KCNT1: variants seen among roughly 807,000 people sequenced by gnomAD.
KCNT1 encodes potassium channel subfamily T member 1.
A neutral mutation model predicts 147.8 loss-of-function variants in KCNT1; 78 were observed. The ratio of observed to expected loss-of-function variants is 0.53; its 90% confidence interval spans 0.44 to 0.64. The LOEUF (loss-of-function observed/expected upper bound fraction) is 0.64. KCNT1 is among the 30% of genes least tolerant of loss of function. The pLI, the probability that KCNT1 is intolerant of heterozygous loss-of-function variation, is 0.00. For synonymous variants in KCNT1, 867 were observed against 748.8 expected (o/e 1.16, Z -2.58); for missense variants, 1,419 against 1,750.3 (o/e 0.81, Z 3.38).
chr9:135,751,850 G>T (rs1043314046), intron 4 of KCNT1, among the ~76,000 whole-genome samples: 1 of 152,188 alleles, frequency 6.6e-6, no homozygotes, highest in Non-Finnish European at 1.5e-5. Flanking sequence ...TCTGTGTCCT[G>T]TTTCTTCTCT....
intron 28 of KCNT1, 151 bp from the exon 29 acceptor site, chr9:135,786,046 T>TGTC (rs765768686): frequency 1.5e-6 from 1 of 652,526 alleles, no homozygotes; most frequent in East Asian, 2.8e-5. Context: ...CCCTGGGGTC[T>TGTC]GTCGTCGTCC....
At chr9:135,706,779 G>C (rs1398678192) in intron 1 of KCNT1, among the ~76,000 whole-genome samples, 1 of 152,212 alleles carries the variant, frequency 6.6e-6, no homozygotes. Context: ...CTTTCCAGTA[G>C]ATTTTCCTGA....
intron 2 of KCNT1, among the ~76,000 whole-genome samples, chr9:135,727,726 A>G (rs938300976): frequency 1.3e-5 from 2 of 152,130 alleles, no homozygotes; most frequent in Non-Finnish European, 2.9e-5. Flanking sequence ...TCCAGCCCCC[A>G]CTCGCTGGCC....
intron 10 of KCNT1, among the ~76,000 whole-genome samples, chr9:135,759,177 G>T (rs1356495899): frequency 6.6e-6 from 1 of 152,314 alleles, no homozygotes; most frequent in African/African-American, 2.4e-5. Flanking sequence ...CCCCAGCCCT[G>T]CCCATTAGAC....
intron 2 of KCNT1, among the ~76,000 whole-genome samples, chr9:135,748,204 G>T (rs912077602): frequency 2.0e-5 from 3 of 152,128 alleles, no homozygotes; most frequent in African/African-American, 7.2e-5. Flanking sequence ...AAGTTCCTGG[G>T]ATTATGGGCA....
intron 11 of KCNT1, among the ~76,000 whole-genome samples, chr9:135,762,585 C>A (rs1208825536): frequency 6.6e-6 from 1 of 151,904 alleles, no homozygotes; most frequent in Non-Finnish European, 1.5e-5. Context: ...CCGTCTCTAC[C>A]AAAAAATAGG....
In KCNT1 at chr9:135,778,408, A is replaced by C; in HGVS notation, c.2523-16A>C. 6.5e-7 allele frequency: 1 copy of C among 1,550,070 alleles called. No homozygotes were observed. On this transcript the variant is annotated splice_polypyrimidine_tract_variant and intron_variant, in intron 21 of 30. Transcript: ENST00000371757. ...TTGAAGCAGGGTGGGCCCCTCCAGG[A>C]CCGCTGTCCCCACAGGCCCGACCAC...
At chr9:135,754,354 CCACAGCCTCCA>C (rs1831357929) in intron 5 of KCNT1, among the ~76,000 whole-genome samples, 1 of 152,226 alleles carries the variant, frequency 6.6e-6, no homozygotes, top group Admixed American at 6.5e-5. Context: ...CCAGCCAGTT[CCACAGCCTCCA>C]CACGCTCTTC....
intron 29 of KCNT1, chr9:135,791,406 A>T: frequency 3.6e-5 from 8 of 219,592 alleles, no homozygotes; most frequent in South Asian, 7.4e-5. Context: ...GGTGTAGATG[A>T]AGGCATGCAT....
Position 135,759,526 on chromosome 9 carries a change from T to C in KCNT1, c.855-153T>C, listed in dbSNP as rs984789430. 8.4e-6 allele frequency: 6 copies of C among 710,726 alleles called. No individual in the cohort carries two copies. In the Admixed American group the frequency reaches 2.3e-4, roughly 28 times the overall value. 44.0% of individuals were successfully genotyped at this position (710,726 alleles called of 1,614,324 possible). A position where few individuals can be genotyped will look rare whatever the true frequency, so the allele number is the denominator to read the frequency against. On this transcript the variant is annotated intron_variant, in intron 10 of 30. Coordinates refer to ENST00000371757, the MANE Select transcript of KCNT1 (RefSeq NM_020822.3). ...CAGATGGGCAGGGCTGAGGGCCTGA[T>C]GCCACCCAGCTGTCAGGAGGGCGGG...
chr9:135,786,129 G>A (rs1007857431), intron 28 of KCNT1, 68 bp from the exon 29 acceptor site: 67 of 1,435,902 alleles, frequency 4.7e-5, no homozygotes, highest in Non-Finnish European at 6.1e-5. Flanking sequence ...CTAAGCCCCT[G>A]CCCCAAAGCC....
chr9:135,733,062 C>T (rs1190303518), intron 2 of KCNT1, among the ~76,000 whole-genome samples: 1 of 152,024 alleles, frequency 6.6e-6, no homozygotes, highest in East Asian at 1.9e-4. Flanking sequence ...TGTGACTCCC[C>T]TGGACACCCT....
chr9:135,727,904 G>A (rs758493073), intron 2 of KCNT1, among the ~76,000 whole-genome samples: 4 of 152,266 alleles, frequency 2.6e-5, no homozygotes, highest in African/African-American at 9.6e-5. Flanking sequence ...CTAAAAAGGC[G>A]AGTGAGGGAA....
At chr9:135,703,691 C>T (rs1057378439) in intron 1 of KCNT1, among the ~76,000 whole-genome samples, 1 of 152,236 alleles carries the variant, frequency 6.6e-6, no homozygotes, top group African/African-American at 2.4e-5. Context: ...CTACCATCTC[C>T]CTCCCCAGCC....
chr9:135,706,869 G>C (rs548115890), intron 1 of KCNT1, among the ~76,000 whole-genome samples: 1 of 152,296 alleles, frequency 6.6e-6, no homozygotes, highest in South Asian at 2.1e-4. Flanking sequence ...CATGATGGCA[G>C]CTCAGGGTAC....
chr9:135,726,265 C>CCAG (rs1836135028), intron 2 of KCNT1, among the ~76,000 whole-genome samples: 1 of 152,038 alleles, frequency 6.6e-6, no homozygotes, highest in African/African-American at 2.4e-5. Context: ...TGGCACAGGG[C>CCAG]CAGCAGCCCC....
In KCNT1 at chr9:135,756,945, C is replaced by T. The variant is rs765648839; in HGVS notation, c.600+13C>T. 3.1e-6 allele frequency: 5 copies of T among 1,611,512 alleles called. No homozygotes were observed. The highest frequency in any genetic ancestry group is 1.1e-5 in the South Asian group (1 of 91,012). On this transcript the variant is annotated intron_variant, in intron 7 of 30. Coordinates refer to ENST00000371757, the MANE Select transcript of KCNT1 (RefSeq NM_020822.3). ...CCTCAGCTACAAAGTGAGTGCCTGC[C>T]CGGGATGGCACCTCACAGGGGGTCC...
intron 24 of KCNT1, among the ~76,000 whole-genome samples, chr9:135,780,752 G>A (rs1215540540): frequency 1.3e-5 from 2 of 152,200 alleles, no homozygotes; most frequent in South Asian, 2.1e-4. Context: ...GCAGAGGGGT[G>A]TGCTCTGCAG....
chr9:135,752,241 C>A lies in KCNT1; in HGVS notation c.434+1200C>A. On this transcript the variant is annotated intron_variant, in intron 4 of 30. Coordinates refer to ENST00000371757, the MANE Select transcript of KCNT1 (RefSeq NM_020822.3). This position sits in a 1 kb window ranked among gnomAD's most constrained non-coding sequence, Gnocchi z 5.1. Reference sequence around the variant, plus strand: ...GAAGGCCTGACTGCCGGGAGCCTGGCTTCTGGGGACCTAAAGGCGTCCATG... The same window carrying A: ...GAAGGCCTGACTGCCGGGAGCCTGGATTCTGGGGACCTAAAGGCGTCCATG... The A allele has an allele frequency of 2.5e-6, 1 of 400,002 alleles. No homozygotes were observed. Among genetic ancestry groups the A allele is most frequent in the South Asian group, 1.8e-5 (1 of 54,926 alleles). The allele number at this position is 400,002 out of a possible 1,614,324, so 24.8% of individuals were successfully genotyped here. A position where few individuals can be genotyped will look rare whatever the true frequency, so the allele number is the denominator to read the frequency against.
Sources: gnomAD v4.1 joint callset for allele counts (sites outside exome capture counted in the v4.1 genomes callset) on GRCh38, gnomAD v4.1.1 for gene constraint, Gnocchi (gnomAD v3.1) non-coding constraint, MANE v1.5 for transcripts, NCBI Gene and HGNC (gene_info 2026-07-23, HGNC 2026-07-21) for gene names.